MYT1L: variants seen among roughly 807,000 people sequenced by gnomAD.
MYT1L encodes myelin transcription factor 1 like, also known as myelin transcription factor 1-like protein.
MYT1L carries 12 observed loss-of-function variants against 126.7 expected under a neutral mutation model. The ratio of observed to expected loss-of-function variants is 0.09; its 90% CI spans 0.06 to 0.15. The LOEUF is 0.15. Among genes scored for constraint, MYT1L ranks in the 10% least tolerant of loss-of-function variants. MYT1L has a pLI of 1.00. For synonymous variants in MYT1L, 541 were observed against 604.2 expected (o/e 0.90, Z 1.53); for missense variants, 979 against 1,585.2 (o/e 0.62, Z 6.49).
At chr2:2,184,847 C>T (rs2091946258) in intron 2 of MYT1L, among the ~76,000 whole-genome samples, 1 of 152,168 alleles carries the variant, frequency 6.6e-6, no homozygotes. Flanking sequence ...TTGAGGTTTC[C>T]AGCTACCCAG....
At chr2:2,012,881 G>A (rs771489639) in intron 4 of MYT1L, among the ~76,000 whole-genome samples, 3 of 152,156 alleles carry the variant, frequency 2.0e-5, no homozygotes, top group African/African-American at 7.2e-5. Context: ...ATAGAGCACC[G>A]AGGCCGGCTT....
chr2:2,038,909 C>G (rs2067198294), intron 4 of MYT1L, among the ~76,000 whole-genome samples: 2 of 152,168 alleles, frequency 1.3e-5, no homozygotes, highest in South Asian at 4.1e-4. Context: ...AGGGCCTCCC[C>G]TAGGGTCTGG....
intron 21 of MYT1L, among the ~76,000 whole-genome samples, chr2:1,838,466 G>T (rs911273755): frequency 6.6e-6 from 1 of 152,036 alleles, no homozygotes; most frequent in Admixed American, 6.6e-5. Flanking sequence ...CTCCCCAAAG[G>T]GTATGGCCTT....
At chr2:2,124,710 C>T (rs1417690708) in intron 3 of MYT1L, among the ~76,000 whole-genome samples, 1 of 152,180 alleles carries the variant, frequency 6.6e-6, no homozygotes, top group African/African-American at 2.4e-5. Flanking sequence ...ATACTATTTC[C>T]ATTATAAATG....
At chr2:1,842,916 C>G (rs1572771627) in intron 19 of MYT1L, 1 of 179,632 alleles carries the variant, frequency 5.6e-6, no homozygotes, top group East Asian at 1.7e-4. Context: ...CTTCCAGGCG[C>G]TTCCGCTTCC....
At chr2:1,880,098 T>C (rs958262677) in intron 18 of MYT1L, among the ~76,000 whole-genome samples, 1 of 152,218 alleles carries the variant, frequency 6.6e-6, no homozygotes, top group Admixed American at 6.5e-5. Flanking sequence ...TCGAGCTCCC[T>C]ACCTCTGAGT....
intron 18 of MYT1L, among the ~76,000 whole-genome samples, chr2:1,872,136 T>C (rs1396503060): frequency 6.6e-6 from 1 of 152,120 alleles, no homozygotes; most frequent in Non-Finnish European, 1.5e-5. Context: ...GCCTGGGGAC[T>C]GGTCTGGCTT....
chr2:1,796,871 GC>G (rs758545587), intron 23 of MYT1L, among the ~76,000 whole-genome samples: 1 of 152,184 alleles, frequency 6.6e-6, no homozygotes, highest in Non-Finnish European at 1.5e-5. Flanking sequence ...TCACACAAAT[GC>G]CGCTTGCCCA....
intron 4 of MYT1L, among the ~76,000 whole-genome samples, chr2:2,003,209 T>C (rs1296929448): frequency 6.6e-6 from 1 of 152,178 alleles, no homozygotes; most frequent in Non-Finnish European, 1.5e-5. Flanking sequence ...GGGGGGCATC[T>C]GTGCTTCTGG....
At chr2:2,295,567 GAGAGAGAGAGAGAGAGACAGAC>G (rs2095661952) in intron 1 of MYT1L, among the ~76,000 whole-genome samples, 1 of 16,644 alleles carries the variant, frequency 6.0e-5, no homozygotes. Context: ...CAGACAGACA[GAGAGAGAGAGAGAGAGACAGAC>G]AGACAGAGAG....
At chr2:2,033,012 C>A (rs2066537000) in intron 4 of MYT1L, among the ~76,000 whole-genome samples, 1 of 134,002 alleles carries the variant, frequency 7.5e-6, no homozygotes, top group Non-Finnish European at 1.6e-5. Flanking sequence ...CAGTGCCTCT[C>A]ATCTTGTGGC....
intron 3 of MYT1L, among the ~76,000 whole-genome samples, chr2:2,108,533 A>G (rs1441652694): frequency 1.3e-5 from 2 of 152,216 alleles, no homozygotes; most frequent in Non-Finnish European, 2.9e-5. Context: ...GAGACAATTC[A>G]AAGACCTTCA....
chr2:2,243,474 T>C (rs1386977950), intron 2 of MYT1L, among the ~76,000 whole-genome samples: 2 of 152,226 alleles, frequency 1.3e-5, no homozygotes, highest in Admixed American at 1.3e-4. Context: ...CACAAACTAA[T>C]TGACTTCATA....
At chr2:2,081,731 A>T (rs1272950702) in intron 3 of MYT1L, among the ~76,000 whole-genome samples, 2 of 151,770 alleles carry the variant, frequency 1.3e-5, no homozygotes, top group East Asian at 1.9e-4. Flanking sequence ...TTATTTATTT[A>T]TATTTATTTA....
intron 18 of MYT1L, among the ~76,000 whole-genome samples, chr2:1,870,005 T>C (rs1212396815): frequency 6.6e-6 from 1 of 152,184 alleles, no homozygotes; most frequent in African/African-American, 2.4e-5. Context: ...ATTTGTAAGG[T>C]TGATGAGCCA....
intron 14 of MYT1L, among the ~76,000 whole-genome samples, chr2:1,894,226 T>C (rs2049288859): frequency 6.6e-6 from 1 of 152,166 alleles, no homozygotes; most frequent in South Asian, 2.1e-4. Context: ...TCTCTCTACT[T>C]TGGGATGCCC....
chr2:2,211,401 G>T (rs1051725714), intron 2 of MYT1L, among the ~76,000 whole-genome samples: 1 of 152,060 alleles, frequency 6.6e-6, no homozygotes, highest in Non-Finnish European at 1.5e-5. Context: ...TGATCTTCAT[G>T]TATCGTTTTT....
chr2:1,952,893 TCCTTCTTTCCCTTCCTCTC>T (rs1558518633), intron 8 of MYT1L, among the ~76,000 whole-genome samples: 13 of 69,302 alleles, frequency 1.9e-4, no homozygotes, highest in African/African-American at 4.6e-4. Flanking sequence ...TTCCCTTCCC[TCCTTCTTTCCCTTCCTCTC>T]CCTTCCTTCC....
At chr2:1,965,526 G>A (rs1198560272) in intron 8 of MYT1L, among the ~76,000 whole-genome samples, 8 of 152,252 alleles carry the variant, frequency 5.3e-5, no homozygotes, top group Non-Finnish European at 1.0e-4. Flanking sequence ...AAAGATGAAC[G>A]CTTTGTTTGG....
Sources: gnomAD v4.1 joint callset for allele counts (sites outside exome capture counted in the v4.1 genomes callset) on GRCh38, gnomAD v4.1.1 for gene constraint, MANE v1.5 for transcripts, NCBI Gene and HGNC (gene_info 2026-07-23, HGNC 2026-07-21) for gene names.